The following WASF2 variants were observed in gnomAD, a reference collection of about 807,000 sequenced individuals.
The protein encoded by WASF2 is actin-binding protein WASF2.
A neutral mutation model predicts 45.0 loss-of-function variants in WASF2; 14 were observed. The observed-to-expected ratio is 0.31, with a 90% CI of 0.21 to 0.49. The LOEUF (loss-of-function observed/expected upper bound fraction) is 0.49, where lower values mean the gene tolerates loss of function less well. WASF2 is among the 20% of genes least tolerant of loss of function. WASF2 has a pLI of 0.99. For missense variants in WASF2, 439 were observed against 636.1 expected, an observed-to-expected ratio of 0.69 and a Z score of 3.33; for synonymous variants, 200 against 236.3, an observed-to-expected ratio of 0.85 and a Z score of 1.41.
intron 1 of WASF2, among the ~76,000 whole-genome samples, chr1:27,446,745 C>T (rs1349420125): frequency 6.8e-6 from 1 of 147,294 alleles, no homozygotes; most frequent in Non-Finnish European, 1.5e-5. Flanking sequence ...TGTGCCACCA[C>T]ACTCCAGCCT....
rs111674905 is a variant in WASF2, at chr1:27,477,919, T to A, written c.-44+12067A>T. Among the ~76,000 whole-genome samples the A allele has an allele frequency of 6.7e-3, 841 of 125,656 alleles. 134 individuals carry two copies. Among genetic ancestry groups the A allele is most frequent in the African/African-American group, 0.023 (692 of 30,576 alleles). The allele number at this position is 125,656 out of a possible 152,430, so 82.4% of individuals were successfully genotyped here. On this transcript the variant is annotated intron_variant, in intron 1 of 8. Transcript: ENST00000618852. ...GTCTCAAAAAAAAAAAATAAATAAATAAAAAAAAAAATAAAAATAAATAAA... is the reference window on the plus strand; with the variant it reads ...GTCTCAAAAAAAAAAAATAAATAAAAAAAAAAAAAAATAAAAATAAATAAA...
chr1:27,427,126 C>G (rs2016997214), intron 2 of WASF2, among the ~76,000 whole-genome samples: 1 of 152,068 alleles, frequency 6.6e-6, no homozygotes, highest in African/African-American at 2.4e-5. Flanking sequence ...AAAATATGTT[C>G]AACACAAGTT....
At chr1:27,408,472 T>C (rs1331276888) in intron 8 of WASF2, 126 bp from the exon 9 acceptor site, 4 of 1,306,820 alleles carry the variant, frequency 3.1e-6, no homozygotes, top group Non-Finnish European at 4.1e-6. Context: ...AAAAAGAAGG[T>C]TGTTATGGAA....
rs775726324 is a variant in WASF2, at chr1:27,409,732, C to G, written c.1299G>C (p.Val433=). 2 of 1,514,920 alleles carry G rather than the reference C, an allele frequency of 1.3e-6. No individual in the cohort carries two copies. Among genetic ancestry groups the G allele is most frequent in the Non-Finnish European group, 1.8e-6 (2 of 1,133,340 alleles). The allele number at this position is 1,514,920 out of a possible 1,614,324, so 93.8% of individuals were successfully genotyped here. ...AAAGCAGGTCGCTACGGGCATCGCT[C>G]ACGGCAGGCAAGGAGGACTTGGGCT... ...TTKPKSSLPA[V]SDARSDLLSA... Residue 433 remains valine, a synonymous_variant, in exon 8 of 9, where the codon GTG becomes GTC. Coordinates refer to ENST00000618852, the MANE Select transcript of WASF2 (RefSeq NM_006990.5).
At chr1:27,432,804 C>T (rs959080796) in intron 1 of WASF2, among the ~76,000 whole-genome samples, 9 of 152,112 alleles carry the variant, frequency 5.9e-5, no homozygotes, top group African/African-American at 2.2e-4. Context: ...CACTCTGTTG[C>T]CCAGGTTGGA....
At chr1:27,430,006 A>T (rs146754636) in intron 1 of WASF2, among the ~76,000 whole-genome samples, 222 of 152,268 alleles carry the variant, frequency 1.5e-3, no homozygotes, top group African/African-American at 5.0e-3. Context: ...GGCTCTAGAG[A>T]CAGCAGGAAA....
intron 1 of WASF2, among the ~76,000 whole-genome samples, chr1:27,487,444 AATATAAATATATATTT>A (rs1557626328): frequency 8.2e-6 from 1 of 122,592 alleles, no homozygotes; most frequent in East Asian, 2.0e-4. Flanking sequence ...TATATATACA[AATATAAATATATATTT>A]ATATAAATAT....
In WASF2 at chr1:27,414,983, G is replaced by A. The variant is rs780320645; in HGVS notation, c.538-20C>T. On this transcript the variant is annotated intron_variant, in intron 5 of 8. Transcript: ENST00000618852. This position sits in a 1 kb window ranked among gnomAD's most constrained non-coding sequence, Gnocchi z 4.1. ...TTCTTTCTATAATGAAAAGGAACAGGAAGGTCTTTGTAGAACATTTTCCAA... is the reference window on the plus strand; with the variant it reads ...TTCTTTCTATAATGAAAAGGAACAGAAAGGTCTTTGTAGAACATTTTCCAA... 144 of 1,613,074 alleles carry A rather than the reference G, an allele frequency of 8.9e-5. No individual in the cohort carries two copies. The highest frequency in any genetic ancestry group is 1.2e-4 in the Non-Finnish European group (140 of 1,179,560).
intron 1 of WASF2, among the ~76,000 whole-genome samples, chr1:27,458,815 A>T (rs554616385): frequency 3.0e-3 from 450 of 151,808 alleles, no homozygotes; most frequent in African/African-American, 7.8e-3. Context: ...AAATTAAAAA[A>T]TTTTTTTTAA....
At chr1:27,437,556 T>C (rs1167874380) in intron 1 of WASF2, among the ~76,000 whole-genome samples, 1 of 152,212 alleles carries the variant, frequency 6.6e-6, no homozygotes, top group Non-Finnish European at 1.5e-5. Context: ...TGGATCCACT[T>C]AAATTACACA....
At chr1:27,464,819 C>T (rs867246986) in intron 1 of WASF2, among the ~76,000 whole-genome samples, 1 of 152,204 alleles carries the variant, frequency 6.6e-6, no homozygotes, top group Admixed American at 6.5e-5. Flanking sequence ...ACCTGTGCCT[C>T]CTGGGTTCAA....
intron 1 of WASF2, among the ~76,000 whole-genome samples, chr1:27,446,847 T>C (rs559777204): frequency 6.6e-6 from 1 of 152,000 alleles, no homozygotes; most frequent in Admixed American, 6.6e-5. Context: ...ATTACCTAAT[T>C]GCTATTCTGT....
chr1:27,470,075 G>A (rs1267265914), intron 1 of WASF2, among the ~76,000 whole-genome samples: 1 of 152,236 alleles, frequency 6.6e-6, no homozygotes, highest in African/African-American at 2.4e-5. Flanking sequence ...TGTAGTGACA[G>A]GGAGTATTAT....
At chr1:27,423,449 T>TG (rs1389118310) in intron 2 of WASF2, among the ~76,000 whole-genome samples, 2 of 152,336 alleles carry the variant, frequency 1.3e-5, no homozygotes, top group Non-Finnish European at 2.9e-5. Context: ...CCTCAAGTGC[T>TG]GGGATTACAG....
intron 2 of WASF2, among the ~76,000 whole-genome samples, chr1:27,424,213 AG>A (rs2016946525): frequency 6.6e-6 from 1 of 152,184 alleles, no homozygotes; most frequent in African/African-American, 2.4e-5. Flanking sequence ...CAAGGTCATG[AG>A]CCTGAAGCAC....
At chr1:27,459,294 A>AG (rs1208883165) in intron 1 of WASF2, 1 of 152,196 alleles carries the variant, frequency 6.6e-6, no homozygotes, top group Non-Finnish European at 1.5e-5. Context: ...CCAAGTAGCT[A>AG]GGAATATGGG....
In WASF2 at chr1:27,415,955, T is replaced by C. The variant is rs763452971; in HGVS notation, c.537+30A>G. ...CCCCCTCCACAATCGTGCCTACTGATGTGGAGAACAGAGGCCCCTTTCCCC... is the reference window on the plus strand; with the variant it reads ...CCCCCTCCACAATCGTGCCTACTGACGTGGAGAACAGAGGCCCCTTTCCCC... On this transcript the variant is annotated intron_variant, in intron 5 of 8. Transcript: ENST00000618852. 144 of 1,566,126 alleles carry C rather than the reference T, an allele frequency of 9.2e-5. 2 individuals are homozygous for C. In the South Asian group the frequency reaches 1.5e-3, roughly 17 times the overall value.
At position 27,418,312 on chromosome 1, in the gene WASF2, T is replaced by C; in HGVS notation, c.376A>G (p.Thr126Ala). The C allele has an allele frequency of 1.9e-6, 3 of 1,614,108 alleles. No individual in the cohort carries two copies. Among genetic ancestry groups the C allele is most frequent in the Non-Finnish European group, 2.5e-6 (3 of 1,180,008 alleles). ...LPVPVLETYN[T>A]CDTPPPLNNL... ...TTGAGAGGGGGAGGAGTATCACAGG[T>C]ATTGTATGTTTCTAAGACAGGCACT... The change falls in exon 4 of 9, where the codon ACC becomes GCC. Residue 126 changes from threonine to alanine, a missense_variant. Thr to Ala is a moderately conservative substitution (Grantham distance 58). Transcript: ENST00000618852.
chr1:27,429,773 T>C (rs1276899638), intron 1 of WASF2, among the ~76,000 whole-genome samples: 3 of 143,288 alleles, frequency 2.1e-5, no homozygotes, highest in African/African-American at 5.2e-5. Context: ...CAAGACTCCG[T>C]CTCAAAAAAA....
Sources: allele counts gnomAD v4.1 joint callset (sites outside exome capture counted in the v4.1 genomes callset), GRCh38; gene constraint gnomAD v4.1.1; non-coding constraint Gnocchi (gnomAD v3.1); transcripts MANE v1.5; gene names NCBI Gene and HGNC (gene_info 2026-07-23, HGNC 2026-07-21).